The following GRM1 variants were observed in gnomAD, a reference collection of about 807,000 sequenced individuals.
GRM1 encodes the protein glutamate metabotropic receptor 1, also known as metabotropic glutamate receptor 1.
In GRM1, 33 loss-of-function variants were observed where a neutral mutation model predicts 90.9. The ratio of observed to expected loss-of-function variants is 0.36; its 90% CI spans 0.28 to 0.49. The LOEUF (loss-of-function observed/expected upper bound fraction) is 0.49, where lower values mean the gene tolerates loss of function less well. Ranked by LOEUF, GRM1 falls within the 20% of genes least tolerant of loss-of-function variation. The pLI is 0.99. For missense variants in GRM1, 1,190 were observed against 1,534.3 expected, an observed-to-expected ratio of 0.78 and a Z score of 3.75; for synonymous variants, 700 against 613.2, an observed-to-expected ratio of 1.14 and a Z score of -2.09.
At position 146,298,153 on chromosome 6, in the gene GRM1, C is replaced by G. The variant is rs142774455; in HGVS notation, c.951-6458C>G. Among the ~76,000 whole-genome samples the G allele has an allele frequency of 4.8e-3, 737 of 152,290 alleles. 7 individuals carry two copies. The highest frequency in any genetic ancestry group is 0.017 in the African/African-American group (689 of 41,552). On this transcript the variant is annotated intron_variant, in intron 2 of 7. Transcript: ENST00000282753. ...CATTCATTTTATAAACCCCTAACTTCTTATTATTCATGATACCTACCCTCC... is the reference window on the plus strand; with the variant it reads ...CATTCATTTTATAAACCCCTAACTTGTTATTATTCATGATACCTACCCTCC...
intron 1 of GRM1, among the ~76,000 whole-genome samples, chr6:146,103,831 A>T (rs1167361857): frequency 6.6e-6 from 1 of 152,208 alleles, no homozygotes; most frequent in East Asian, 1.9e-4. Context: ...GTAGGCACAA[A>T]CAAGTGTTCA....
chr6:146,273,785 A>AT (rs1782253862), intron 2 of GRM1, among the ~76,000 whole-genome samples: 1 of 152,120 alleles, frequency 6.6e-6, no homozygotes, highest in South Asian at 2.1e-4. Context: ...AACTTGCTCT[A>AT]TTTTTTTCCA....
chr6:146,048,123 A>C (rs968570406), intron 1 of GRM1, among the ~76,000 whole-genome samples: 1 of 152,058 alleles, frequency 6.6e-6, no homozygotes. Flanking sequence ...TACAGCGTGT[A>C]CCATATTTTA....
At chr6:146,254,942 T>C (rs1167834712) in intron 2 of GRM1, among the ~76,000 whole-genome samples, 1 of 152,238 alleles carries the variant, frequency 6.6e-6, no homozygotes, top group African/African-American at 2.4e-5. Context: ...GTTTTAGTCA[T>C]AGTTTCCTGA....
At chr6:146,109,122 G>T (rs1045124434) in intron 1 of GRM1, among the ~76,000 whole-genome samples, 3 of 152,238 alleles carry the variant, frequency 2.0e-5, no homozygotes, top group African/African-American at 4.8e-5. Flanking sequence ...GCCAGCTGCA[G>T]AAATTTGCAT....
intron 2 of GRM1, among the ~76,000 whole-genome samples, chr6:146,176,746 G>A (rs890003019): frequency 6.6e-6 from 1 of 151,900 alleles, no homozygotes; most frequent in African/African-American, 2.4e-5. Flanking sequence ...TCTTAGAAGA[G>A]GATTAAATCT....
At position 146,314,051 on chromosome 6, in the gene GRM1, CTTTTTTTTTTTT is replaced by C. The variant is rs552986343; in HGVS notation, c.1186+9226_1186+9237del. Among the ~76,000 whole-genome samples, 342 of 61,976 alleles carry C rather than the reference CTTTTTTTTTTTT, an allele frequency of 5.5e-3. 3 individuals are homozygous for C. Among genetic ancestry groups the C allele is most frequent in the Middle Eastern group, 0.014 (1 of 72 alleles). The allele number at this position is 61,976 out of a possible 152,430, so 40.7% of individuals were successfully genotyped here. ...CACTGTATATATCAATAGTTAATTC[CTTTTTTTTTTTT>C]TTTTTTTTTTTTTTTTTTTTGGAGA... On this transcript the variant is annotated intron_variant, in intron 3 of 7. Transcript: ENST00000282753.
intron 1 of GRM1, among the ~76,000 whole-genome samples, chr6:146,047,903 G>A (rs1791392006): frequency 6.6e-6 from 1 of 151,886 alleles, no homozygotes; most frequent in African/African-American, 2.4e-5. Context: ...CATATAACAG[G>A]CATATTTCCA....
chr6:146,057,029 G>C (rs1284062039), intron 1 of GRM1, among the ~76,000 whole-genome samples: 1 of 152,100 alleles, frequency 6.6e-6, no homozygotes, highest in African/African-American at 2.4e-5. Flanking sequence ...CTTGCTTGTG[G>C]TATCCTAGTA....
At chr6:146,407,955 ATGT>A (rs1388081851) in intron 7 of GRM1, among the ~76,000 whole-genome samples, 7 of 152,198 alleles carry the variant, frequency 4.6e-5, no homozygotes, top group Non-Finnish European at 7.3e-5. Context: ...TCAGAGTCAG[ATGT>A]TGTTTTTAGT....
chr6:146,197,819 T>G (rs1583151394), intron 2 of GRM1, among the ~76,000 whole-genome samples: 1 of 152,214 alleles, frequency 6.6e-6, no homozygotes, highest in African/African-American at 2.4e-5. Flanking sequence ...ATAGTCAAGC[T>G]CATAGAAGCA....
chr6:146,104,308 C>T (rs550820744), intron 1 of GRM1, among the ~76,000 whole-genome samples: 26 of 152,084 alleles, frequency 1.7e-4, no homozygotes, highest in Middle Eastern at 3.4e-3. Context: ...GGCGTGGTGG[C>T]GGGCGCCTGT....
At chr6:146,124,672 A>G (rs780337735) in intron 1 of GRM1, among the ~76,000 whole-genome samples, 1 of 152,186 alleles carries the variant, frequency 6.6e-6, no homozygotes, top group East Asian at 1.9e-4. Flanking sequence ...CAAAATTGAT[A>G]TATATTACAA....
At chr6:146,051,630 A>G (rs1385552356) in intron 1 of GRM1, among the ~76,000 whole-genome samples, 1 of 152,098 alleles carries the variant, frequency 6.6e-6, no homozygotes, top group African/African-American at 2.4e-5. Flanking sequence ...CAAGATTTTC[A>G]GATAAGTGGT....
intron 2 of GRM1, among the ~76,000 whole-genome samples, chr6:146,245,947 A>G (rs1781045850): frequency 6.6e-6 from 1 of 152,230 alleles, no homozygotes; most frequent in Non-Finnish European, 1.5e-5. Context: ...TTTCAATAGC[A>G]TAACTTGTCT....
At chr6:146,322,724 G>A (rs182890076) in intron 3 of GRM1, among the ~76,000 whole-genome samples, 7 of 151,988 alleles carry the variant, frequency 4.6e-5, no homozygotes, top group Admixed American at 2.6e-4. Context: ...TTAGCATTAG[G>A]TATATCTCCT....
chr6:146,351,214 A>G (rs1303710220), intron 3 of GRM1, among the ~76,000 whole-genome samples: 2 of 152,066 alleles, frequency 1.3e-5, no homozygotes, highest in African/African-American at 4.8e-5. Flanking sequence ...GTTGTTCTCA[A>G]CCCCATATGC....
chr6:146,103,668 A>T (rs1160241350), intron 1 of GRM1, among the ~76,000 whole-genome samples: 10 of 152,224 alleles, frequency 6.6e-5, no homozygotes, highest in Non-Finnish European at 1.5e-4. Flanking sequence ...GAGAAGCATA[A>T]CATTAATGGG....
chr6:146,311,412 G>T (rs1783765106), intron 3 of GRM1, among the ~76,000 whole-genome samples: 1 of 152,226 alleles, frequency 6.6e-6, no homozygotes, highest in Non-Finnish European at 1.5e-5. Flanking sequence ...GAATGAAAGT[G>T]AACTGACTGT....
Sources: allele counts gnomAD v4.1 joint callset (sites outside exome capture counted in the v4.1 genomes callset), GRCh38; gene constraint gnomAD v4.1.1; transcripts MANE v1.5; gene names NCBI Gene and HGNC (gene_info 2026-07-23, HGNC 2026-07-21).